Variants in KSR1 observed in about 807,000 individuals in gnomAD.
The protein encoded by KSR1 is kinase suppressor of ras 1.
In KSR1, 35 loss-of-function variants were observed where a neutral mutation model predicts 92.9. The observed-to-expected ratio is 0.38, with a 90% CI of 0.29 to 0.50. The LOEUF is 0.50. Among genes scored for constraint, KSR1 ranks in the 20% least tolerant of loss-of-function variants. The pLI is 0.94. For missense variants in KSR1, 972 were observed against 1,158.5 expected, an observed-to-expected ratio of 0.84 and a Z score of 2.34; for synonymous variants, 467 against 472.6, an observed-to-expected ratio of 0.99 and a Z score of 0.15.
At chr17:27,516,895 A>G (rs2069820235) in intron 1 of KSR1, among the ~76,000 whole-genome samples, 1 of 152,202 alleles carries the variant, frequency 6.6e-6, no homozygotes, top group African/African-American at 2.4e-5. Context: ...CAGAGATCTT[A>G]ATACAAAAGA....
At chr17:27,507,465 A>G (rs2069429370) in intron 1 of KSR1, among the ~76,000 whole-genome samples, 1 of 145,670 alleles carries the variant, frequency 6.9e-6, no homozygotes, top group African/African-American at 2.6e-5. Context: ...TTAATGTTTT[A>G]TATTTATTTT....
At chr17:27,549,075 A>G (rs2071293771) in intron 1 of KSR1, among the ~76,000 whole-genome samples, 1 of 152,172 alleles carries the variant, frequency 6.6e-6, no homozygotes, top group Non-Finnish European at 1.5e-5. Flanking sequence ...GGTCTTTGGA[A>G]GCGTTTCGGA....
intron 1 of KSR1, among the ~76,000 whole-genome samples, chr17:27,527,404 C>A (rs1184348949): frequency 9.6e-5 from 11 of 114,254 alleles, no homozygotes; most frequent in Non-Finnish European, 1.7e-4. Context: ...CCCCCCCCCC[C>A]CTTTTTTTTC....
intron 1 of KSR1, among the ~76,000 whole-genome samples, chr17:27,502,689 T>G (rs1233811885): frequency 6.6e-6 from 1 of 152,218 alleles, no homozygotes; most frequent in Non-Finnish European, 1.5e-5. Context: ...CGTCAGCACA[T>G]TCCAGAACCT....
At chr17:27,604,839 C>A in intron 13 of KSR1, 111 bp downstream of exon 13, 2 of 1,042,990 alleles carry the variant, frequency 1.9e-6, no homozygotes, top group Non-Finnish European at 3.0e-6. Flanking sequence ...TTGGCAAGGG[C>A]TGTCCCAGGC....
intron 1 of KSR1, among the ~76,000 whole-genome samples, chr17:27,499,055 G>A (rs973646531): frequency 1.6e-4 from 25 of 152,182 alleles, no homozygotes; most frequent in Admixed American, 1.2e-3. Flanking sequence ...TTAGAGCAGG[G>A]CCAGGAGGGT....
At chr17:27,550,234 T>C (rs1476584896) in intron 1 of KSR1, among the ~76,000 whole-genome samples, 1 of 152,220 alleles carries the variant, frequency 6.6e-6, no homozygotes, top group Non-Finnish European at 1.5e-5. Context: ...GAGACAGGGT[T>C]TTGCCATGTT....
chr17:27,582,146 C>T lies in KSR1; in HGVS notation c.521-500C>T, dbSNP rs1207891915. Reference sequence around the variant, plus strand: ...CCCCCAAGACCTGCCCATAAGAGCCCTGCACGAGCCAGTTCCTCTCTGGGC... The same window carrying T: ...CCCCCAAGACCTGCCCATAAGAGCCTTGCACGAGCCAGTTCCTCTCTGGGC... On this transcript the variant is annotated intron_variant, in intron 3 of 20. Coordinates refer to ENST00000644974, the MANE Select transcript of KSR1 (RefSeq NM_001394583.1). Among the ~76,000 whole-genome samples, 4 of 152,294 alleles carry T rather than the reference C, an allele frequency of 2.6e-5. No homozygotes were observed. The East Asian group carries it at 7.7e-4, about 29-fold the overall frequency.
chr17:27,582,512 G>A, intron 3 of KSR1, 134 bp from the exon 4 acceptor site: 1 of 754,066 alleles, frequency 1.3e-6, no homozygotes, highest in Non-Finnish European at 2.2e-6. Context: ...CCAGGTAAAG[G>A]TTGGTAGTTG....
In KSR1 at chr17:27,624,069, A is replaced by G. The variant is rs2074290964; in HGVS notation, c.*677A>G. ...GAAAAGTAGAAACAGAATCCAAAAAAGGTCTGGACTCACCCGGTGGTTCCC... is the reference window on the plus strand; with the variant it reads ...GAAAAGTAGAAACAGAATCCAAAAAGGGTCTGGACTCACCCGGTGGTTCCC... On this transcript the variant is annotated 3_prime_UTR_variant, in exon 21 of 21. Transcript: ENST00000644974. 6.4e-6 allele frequency: 1 copy of G among 156,908 alleles called. No homozygotes were observed. Among genetic ancestry groups the G allele is most frequent in the Non-Finnish European group, 1.4e-5 (1 of 71,538 alleles). The allele number at this position is 156,908 out of a possible 1,614,324, so 9.7% of individuals were successfully genotyped here. A position where few individuals can be genotyped will look rare whatever the true frequency, so the allele number is the denominator to read the frequency against.
chr17:27,595,495 T>C (rs2073308610), intron 9 of KSR1, among the ~76,000 whole-genome samples: 1 of 152,246 alleles, frequency 6.6e-6, no homozygotes, highest in African/African-American at 2.4e-5. Flanking sequence ...TGGAGGAAGT[T>C]GCCTAGAGTC....
chr17:27,504,370 C>A (rs1467880621), intron 1 of KSR1, among the ~76,000 whole-genome samples: 1 of 152,174 alleles, frequency 6.6e-6, no homozygotes, highest in Middle Eastern at 3.2e-3. Flanking sequence ...CTTCCCAGGG[C>A]CTCTCGCAGG....
At chr17:27,574,429 A>G (rs2072427624) in intron 2 of KSR1, among the ~76,000 whole-genome samples, 1 of 144,180 alleles carries the variant, frequency 6.9e-6, no homozygotes, top group African/African-American at 2.5e-5. Context: ...TTCTTGGTAC[A>G]GTTATGTGTC....
intron 11 of KSR1, chr17:27,602,015 C>T: frequency 8.3e-7 from 1 of 1,204,640 alleles, no homozygotes; most frequent in South Asian, 1.3e-5. Context: ...TTACTATGTA[C>T]CAACCTTTTC....
intron 2 of KSR1, among the ~76,000 whole-genome samples, chr17:27,565,529 A>G (rs2072028060): frequency 1.3e-5 from 2 of 152,210 alleles, no homozygotes; most frequent in Admixed American, 1.3e-4. Flanking sequence ...GCCTCAAGCA[A>G]TCCCCCTACC....
At chr17:27,572,653 C>T (rs2072355627) in intron 2 of KSR1, among the ~76,000 whole-genome samples, 1 of 152,222 alleles carries the variant, frequency 6.6e-6, no homozygotes, top group Non-Finnish European at 1.5e-5. Context: ...TGCGAGTTCA[C>T]CTTCAGCAGG....
At chr17:27,612,930 T>C (rs946740222) in intron 18 of KSR1, 13 of 152,210 alleles carry the variant, frequency 8.5e-5, no homozygotes, top group Admixed American at 3.3e-4. Flanking sequence ...GATGGTAATA[T>C]TTTTCTCAAT....
At chr17:27,591,128 G>A (rs181251420) in intron 7 of KSR1, among the ~76,000 whole-genome samples, 115 of 152,304 alleles carry the variant, frequency 7.6e-4, no homozygotes, top group Admixed American at 2.1e-3. Context: ...TCCAGGCCAT[G>A]GGTGCATCTT....
chr17:27,525,473 G>A (rs934338113), intron 1 of KSR1, among the ~76,000 whole-genome samples: 4 of 152,192 alleles, frequency 2.6e-5, no homozygotes, highest in African/African-American at 9.7e-5. Flanking sequence ...TAATGTGCTT[G>A]GAACAGGGCC....
Sources: allele counts gnomAD v4.1 joint callset (sites outside exome capture counted in the v4.1 genomes callset), GRCh38; gene constraint gnomAD v4.1.1; transcripts MANE v1.5; gene names NCBI Gene and HGNC (gene_info 2026-07-23, HGNC 2026-07-21).